Variants in NBEA observed in about 807,000 individuals in gnomAD.
NBEA encodes lysosomal-trafficking regulator 2.
In NBEA, 44 loss-of-function variants were observed where a neutral mutation model predicts 343.4. The ratio of observed to expected loss-of-function variants is 0.13; its 90% confidence interval spans 0.10 to 0.16. NBEA has a LOEUF of 0.16. NBEA is among the 10% of genes least tolerant of loss of function. The pLI, the probability that NBEA is intolerant of heterozygous loss-of-function variation, is 1.00. For synonymous variants in NBEA, 1,175 were observed against 1,238.7 expected (o/e 0.95, Z 1.08); for missense variants, 2,555 against 3,631.3 (o/e 0.70, Z 7.62).
chr13:35,512,407 T>G (rs1219345244), intron 41 of NBEA, among the ~76,000 whole-genome samples: 1 of 152,216 alleles, frequency 6.6e-6, no homozygotes, highest in Admixed American at 6.5e-5. Flanking sequence ...TCATTCAAGT[T>G]ACCTCAAGCA....
chr13:35,454,863 AAAAT>A (rs2046486912), intron 40 of NBEA, among the ~76,000 whole-genome samples: 1 of 152,092 alleles, frequency 6.6e-6, no homozygotes, highest in Non-Finnish European at 1.5e-5. Context: ...CCGTCTCAAC[AAAAT>A]AAATAAAAAA....
intron 38 of NBEA, among the ~76,000 whole-genome samples, chr13:35,354,200 A>G (rs1368985122): frequency 1.3e-5 from 2 of 152,202 alleles, no homozygotes; most frequent in African/African-American, 4.8e-5. Context: ...AAATTTAACC[A>G]TGAAACACAC....
Position 35,159,619 on chromosome 13 carries a change from A to G in NBEA, c.3448A>G (p.Lys1150Glu). The change falls in exon 22 of 59, where the codon AAA becomes GAA. Residue 1150 changes from lysine (K) to glutamate (E), a missense_variant. Physicochemically the swap from Lys to Glu is moderately conservative, Grantham distance 56 (BLOSUM62 1). Transcript: ENST00000379939. ...PNSSTSFLFD[K>E]IPKQEEKLLP... ...TAGTAGTACATCATTTCTCTTTGAT[A>G]AAATACCCAAACAGGAGGAAAAACT... 1 of 1,611,138 alleles carries G rather than the reference A, an allele frequency of 6.2e-7. No individual in the cohort carries two copies. The highest frequency in any genetic ancestry group is 1.3e-5 in the African/African-American group (1 of 74,982).
chr13:35,267,274 C>A (rs764358589), intron 34 of NBEA, among the ~76,000 whole-genome samples: 2 of 151,752 alleles, frequency 1.3e-5, no homozygotes, highest in African/African-American at 4.8e-5. Flanking sequence ...AGTGTTCTTA[C>A]CACAAAAATA....
In NBEA at chr13:35,380,922, A is replaced by G. The variant is rs559835901; in HGVS notation, c.6179+28599A>G. 2.9e-3 allele frequency among the ~76,000 whole-genome samples: 437 copies of G among 152,250 alleles called. 2 individuals carry two copies. The highest frequency in any genetic ancestry group is 0.017 in the Middle Eastern group (5 of 294). On this transcript the variant is annotated intron_variant, in intron 38 of 58. Transcript: ENST00000379939. ...TGTTTGTTTCGTTTTGCTTTTTTAT[A>G]GATACTTTTTACCAAATTAATGAAA...
chr13:35,015,153 A>AC, intron 1 of NBEA, among the ~76,000 whole-genome samples: 1 of 149,766 alleles, frequency 6.7e-6, no homozygotes, highest in African/African-American at 2.5e-5. Flanking sequence ...ACAAAAAAAA[A>AC]AAACCACACA....
At chr13:35,340,025 G>A (rs986457755) in intron 36 of NBEA, among the ~76,000 whole-genome samples, 1 of 152,098 alleles carries the variant, frequency 6.6e-6, no homozygotes, top group Non-Finnish European at 1.5e-5. Flanking sequence ...TACATTGTTG[G>A]TGGGATTGTA....
intron 17 of NBEA, among the ~76,000 whole-genome samples, chr13:35,140,168 G>A (rs1434424436): frequency 6.6e-6 from 1 of 151,352 alleles, no homozygotes; most frequent in Admixed American, 6.6e-5. Flanking sequence ...CTGCCACTAT[G>A]CCCAGCTAAT....
intron 41 of NBEA, among the ~76,000 whole-genome samples, chr13:35,490,565 C>T (rs1300091716): frequency 6.6e-6 from 1 of 151,836 alleles, no homozygotes; most frequent in Admixed American, 6.6e-5. Context: ...TACCTTCTGC[C>T]TAAAAGTCAG....
At chr13:35,667,341 A>C (rs200583539) in intron 56 of NBEA, 33 bp from the exon 57 acceptor site, 1 of 1,594,410 alleles carries the variant, frequency 6.3e-7, no homozygotes, top group East Asian at 2.2e-5. Flanking sequence ...GTCGTCCCCA[A>C]CTGACCCTGG....
intron 36 of NBEA, among the ~76,000 whole-genome samples, chr13:35,343,519 A>G (rs998698255): frequency 2.0e-5 from 3 of 152,134 alleles, no homozygotes; most frequent in Non-Finnish European, 4.4e-5. Flanking sequence ...CCTGGGCCAC[A>G]GGCTAGTACC....
At chr13:35,008,210 A>C (rs1928525) in intron 1 of NBEA, among the ~76,000 whole-genome samples, 3 of 151,988 alleles carry the variant, frequency 2.0e-5, no homozygotes, top group African/African-American at 7.2e-5. Context: ...GCTATAGTTC[A>C]CCATTTTAAC....
chr13:35,112,958 A>AC (rs1227698763), intron 13 of NBEA, among the ~76,000 whole-genome samples: 1 of 152,046 alleles, frequency 6.6e-6, no homozygotes, highest in Non-Finnish European at 1.5e-5. Flanking sequence ...TAATTCAGAG[A>AC]CCCCATTCAA....
chr13:34,992,645 T>C (rs1050986250), intron 1 of NBEA, among the ~76,000 whole-genome samples: 1 of 151,886 alleles, frequency 6.6e-6, no homozygotes, highest in African/African-American at 2.4e-5. Flanking sequence ...TCTTGCTTTT[T>C]TTAAGGTAAA....
At chr13:35,138,922 C>T (rs901948344) in intron 17 of NBEA, among the ~76,000 whole-genome samples, 2 of 151,872 alleles carry the variant, frequency 1.3e-5, no homozygotes, top group African/African-American at 2.4e-5. Context: ...GATTTATATG[C>T]ATAGTAATTA....
chr13:35,057,338 G>A (rs563126434), intron 7 of NBEA, among the ~76,000 whole-genome samples: 23 of 152,228 alleles, frequency 1.5e-4, no homozygotes, highest in African/African-American at 5.5e-4. Context: ...GGGCTGGGCA[G>A]ACTACACCCT....
intron 31 of NBEA, among the ~76,000 whole-genome samples, chr13:35,199,052 A>T (rs1488861907): frequency 2.6e-5 from 4 of 152,056 alleles, no homozygotes; most frequent in African/African-American, 9.7e-5. Flanking sequence ...GACGGGTTTG[A>T]TTGTCTGTCA....
At chr13:35,661,926 G>A (rs2085110015) in intron 55 of NBEA, among the ~76,000 whole-genome samples, 1 of 152,090 alleles carries the variant, frequency 6.6e-6, no homozygotes, top group Non-Finnish European at 1.5e-5. Context: ...TGCAGCGGAG[G>A]TCTTAGAAAC....
intron 40 of NBEA, among the ~76,000 whole-genome samples, chr13:35,463,292 T>A (rs1263857346): frequency 6.6e-6 from 1 of 152,122 alleles, no homozygotes; most frequent in Admixed American, 6.5e-5. Context: ...AAAAAGAAAC[T>A]CTATAGTTAA....
Sources: gnomAD v4.1 joint callset for allele counts (sites outside exome capture counted in the v4.1 genomes callset) on GRCh38, gnomAD v4.1.1 for gene constraint, MANE v1.5 for transcripts, NCBI Gene and HGNC (gene_info 2026-07-23, HGNC 2026-07-21) for gene names.